Variants in KCNK10 observed in about 807,000 individuals in gnomAD.
The protein encoded by KCNK10 is potassium channel subfamily K member 10.
Under a neutral mutation model 47.7 loss-of-function variants are expected in KCNK10, and 25 were observed. The ratio of observed to expected loss-of-function variants is 0.52; its 90% confidence interval spans 0.38 to 0.73. KCNK10 has a LOEUF of 0.73. Ranked by LOEUF, KCNK10 falls within the 30% of genes least tolerant of loss-of-function variation. The pLI is 0.00. For missense variants in KCNK10, 563 were observed against 714.5 expected (o/e 0.79, Z 2.42); for synonymous variants, 303 against 285.6 (o/e 1.06, Z -0.61).
At position 88,281,830 on chromosome 14, in the gene KCNK10, T is replaced by TTGTGTG. The variant is rs10541411; in HGVS notation, c.53-18285_53-18280dup. Among the ~76,000 whole-genome samples, 4,556 of 148,398 alleles carry TTGTGTG rather than the reference T, an allele frequency of 0.031. 507 individuals are homozygous for TTGTGTG. The East Asian group carries it at 0.4, about 13-fold the overall frequency. On this transcript the variant is annotated intron_variant, in intron 1 of 6. Coordinates refer to ENST00000319231, the MANE Select transcript of KCNK10 (RefSeq NM_138317.3). The stretch of plus-strand genomic sequence containing the variant: ...AGATATATATATACACAAGATACAT[T>TTGTGTG]TGTGTGTGTGTGTGTGTGTGTGTGT...
At position 88,181,619 on chromosome 14, in the gene KCNK10, A is replaced by T. The variant is rs889749498; in HGVS notation, c.*3916T>A. The T allele has an allele frequency of 1.3e-5, 2 of 152,288 alleles. No individual in the cohort carries two copies. Among genetic ancestry groups the T allele is most frequent in the African/African-American group, 4.8e-5 (2 of 41,418 alleles). 9.4% of individuals were successfully genotyped at this position (152,288 alleles called of 1,614,324 possible). A position where few individuals can be genotyped will look rare whatever the true frequency, so the allele number is the denominator to read the frequency against. The stretch of plus-strand genomic sequence containing the variant: ...GTACACTAAAGAGCTATAAGGGAGG[A>T]TAGAGAGAGCCTACACAGGGCATGA... On this transcript the variant is annotated 3_prime_UTR_variant, in exon 7 of 7. Transcript: ENST00000319231.
chr14:88,259,072 C>T (rs191127793), intron 2 of KCNK10, among the ~76,000 whole-genome samples: 4 of 152,210 alleles, frequency 2.6e-5, no homozygotes, highest in Non-Finnish European at 5.9e-5. Context: ...ATCTTTCCAA[C>T]TTAAAACACA....
chr14:88,323,812 C>G (rs192026948), upstream of KCNK10: 1 of 152,436 alleles, frequency 6.6e-6, no homozygotes, highest in Non-Finnish European at 1.5e-5. Flanking sequence ...TCTCACCGCT[C>G]TCACCCTGAG....
chr14:88,321,941 C>G (rs941067093), intron 1 of KCNK10, among the ~76,000 whole-genome samples: 2 of 152,210 alleles, frequency 1.3e-5, no homozygotes, highest in African/African-American at 2.4e-5. Flanking sequence ...TCCCTTGGAG[C>G]CTTAACATCT....
chr14:88,269,675 G>A (rs532756333), intron 1 of KCNK10, among the ~76,000 whole-genome samples: 1 of 152,078 alleles, frequency 6.6e-6, no homozygotes, highest in Non-Finnish European at 1.5e-5. Flanking sequence ...GTCCTCAAGC[G>A]ACCTGCCAGC....
At chr14:88,199,256 A>G (rs1885024937) in intron 4 of KCNK10, among the ~76,000 whole-genome samples, 1 of 152,112 alleles carries the variant, frequency 6.6e-6, no homozygotes, top group Non-Finnish European at 1.5e-5. Flanking sequence ...CTCAGTGATT[A>G]TTCCATTATG....
At chr14:88,324,859 A>G (rs532969007), upstream of KCNK10, among the ~76,000 whole-genome samples, 6 of 152,276 alleles carry the variant, frequency 3.9e-5, no homozygotes, top group South Asian at 1.2e-3. Context: ...AGCAAGACCT[A>G]CAGAGGTCCG....
chr14:88,322,927 C>A lies in KCNK10; in HGVS notation c.-129G>T. 6.6e-7 allele frequency: 1 copy of A among 1,526,268 alleles called. No homozygotes were observed. Among genetic ancestry groups the A allele is most frequent in the South Asian group, 1.2e-5 (1 of 80,246 alleles). 94.5% of individuals were successfully genotyped at this position (1,526,268 alleles called of 1,614,324 possible). A position where few individuals can be genotyped will look rare whatever the true frequency, so the allele number is the denominator to read the frequency against. ...AGGATGGGGGAGCCTTGGACTGGCT[C>A]GTGGAGGAACCCCAGAAAAAGACAG... On this transcript the variant is annotated 5_prime_UTR_variant, in exon 1 of 7. Transcript: ENST00000319231. This position sits in a 1 kb window ranked among gnomAD's most constrained non-coding sequence, Gnocchi z 4.8.
chr14:88,195,026 T>TA (rs11430813), intron 4 of KCNK10, among the ~76,000 whole-genome samples: 85,645 of 148,250 alleles, frequency 0.58, 25,264 homozygotes, highest in African/African-American at 0.73. Context: ...TCTAGGTATT[T>TA]AAAAAAAAAA....
chr14:88,318,294 G>C (rs899057351), intron 1 of KCNK10, among the ~76,000 whole-genome samples: 2 of 152,210 alleles, frequency 1.3e-5, no homozygotes, highest in African/African-American at 4.8e-5. Flanking sequence ...TCAGCAAAGG[G>C]TTATTGAGTG....
chr14:88,198,921 T>TTTTATTTTATTTTA (rs1398542734), intron 4 of KCNK10, among the ~76,000 whole-genome samples: 228 of 150,468 alleles, frequency 1.5e-3, no homozygotes, highest in Middle Eastern at 6.8e-3. Context: ...TTTTATTTTA[T>TTTTATTTTATTTTA]TTTATTTTAT....
intron 1 of KCNK10, among the ~76,000 whole-genome samples, chr14:88,314,596 T>C (rs7146363): frequency 1.3e-5 from 2 of 152,172 alleles, no homozygotes; most frequent in African/African-American, 2.4e-5. Flanking sequence ...GTTGTTTAAA[T>C]CTGAACTAAG....
chr14:88,322,684 G>A lies in KCNK10; in HGVS notation c.52+63C>T. 6 of 1,607,156 alleles carry A rather than the reference G, an allele frequency of 3.7e-6. No homozygotes were observed. Among genetic ancestry groups the A allele is most frequent in the Non-Finnish European group, 5.1e-6 (6 of 1,173,886 alleles). ...CAGAAGCAAGAGTGCTTCCACTCAA[G>A]GAAGCGCGCACACGCCGGAGACAGA... On this transcript the variant is annotated intron_variant, in intron 1 of 6. Coordinates refer to ENST00000319231, the MANE Select transcript of KCNK10 (RefSeq NM_138317.3). The surrounding 1 kb of genome is among the most constrained non-coding windows in gnomAD (Gnocchi z 4.8).
chr14:88,249,853 C>T (rs1566702068), intron 2 of KCNK10, among the ~76,000 whole-genome samples: 1 of 152,142 alleles, frequency 6.6e-6, no homozygotes, highest in Non-Finnish European at 1.5e-5. Flanking sequence ...GTGGAGGCAT[C>T]TTGCATTTTT....
intron 1 of KCNK10, among the ~76,000 whole-genome samples, chr14:88,285,399 A>C (rs1435354469): frequency 1.3e-5 from 2 of 152,182 alleles, no homozygotes; most frequent in Non-Finnish European, 2.9e-5. Context: ...GGCCTGAGCC[A>C]CTGTGCCTGG....
chr14:88,316,386 G>A (rs1888431204), intron 1 of KCNK10, among the ~76,000 whole-genome samples: 1 of 152,178 alleles, frequency 6.6e-6, no homozygotes, highest in African/African-American at 2.4e-5. Context: ...TAAATATGAG[G>A]TCTTTATTTC....
intron 4 of KCNK10, among the ~76,000 whole-genome samples, chr14:88,205,220 GC>G (rs1885231256): frequency 6.6e-6 from 1 of 152,194 alleles, no homozygotes; most frequent in South Asian, 2.1e-4. Flanking sequence ...TGGCTTCATA[GC>G]TCATTTCTTT....
chr14:88,181,389 GGT>G lies in KCNK10; in HGVS notation c.*4144_*4145del, dbSNP rs36106355. 16,282 of 149,440 alleles carry G rather than the reference GGT, an allele frequency of 0.11. 1,636 individuals carry two copies. Among genetic ancestry groups the G allele is most frequent in the African/African-American group, 0.27 (10,878 of 40,246 alleles). 9.3% of individuals were successfully genotyped at this position (149,440 alleles called of 1,614,324 possible). A position where few individuals can be genotyped will look rare whatever the true frequency, so the allele number is the denominator to read the frequency against. On this transcript the variant is annotated 3_prime_UTR_variant, in exon 7 of 7. Transcript: ENST00000319231. ...AGAACCCAAAGCAGCCATTTCCTCA[GGT>G]GTGTGTGTGTGTGTGTATGTGTGCG... is the stretch of plus-strand genomic sequence containing the variant.
At chr14:88,319,967 C>T (rs1166486313) in intron 1 of KCNK10, among the ~76,000 whole-genome samples, 1 of 152,184 alleles carries the variant, frequency 6.6e-6, no homozygotes, top group Non-Finnish European at 1.5e-5. Flanking sequence ...TAGAAGAGCA[C>T]CTAGCACATA....
Sources: allele counts gnomAD v4.1 joint callset (sites outside exome capture counted in the v4.1 genomes callset), GRCh38; gene constraint gnomAD v4.1.1; non-coding constraint Gnocchi (gnomAD v3.1); transcripts MANE v1.5; gene names NCBI Gene and HGNC (gene_info 2026-07-23, HGNC 2026-07-21).